Variants in RIMS1 observed in about 807,000 individuals in gnomAD.
RIMS1 encodes regulating synaptic membrane exocytosis protein 1.
RIMS1 carries 83 observed loss-of-function variants against 214.1 expected under a neutral mutation model. The ratio of observed to expected loss-of-function variants is 0.39; its 90% confidence interval spans 0.32 to 0.47. RIMS1 has a LOEUF of 0.47. Among genes scored for constraint, RIMS1 ranks in the 20% least tolerant of loss-of-function variants. RIMS1 has a pLI of 0.99. For synonymous variants in RIMS1, 793 were observed against 786.8 expected, an observed-to-expected ratio of 1.01 and a Z score of -0.13; for missense variants, 2,050 against 2,161.8, an observed-to-expected ratio of 0.95 and a Z score of 1.03.
At chr6:72,141,941 AT>A in intron 4 of RIMS1, among the ~76,000 whole-genome samples, 1 of 152,126 alleles carries the variant, frequency 6.6e-6, no homozygotes, top group Non-Finnish European at 1.5e-5. Flanking sequence ...AAGTTCTAAC[AT>A]TTTTGTAATA....
intron 26 of RIMS1, among the ~76,000 whole-genome samples, chr6:72,305,404 T>C (rs2095055304): frequency 6.6e-6 from 1 of 152,090 alleles, no homozygotes; most frequent in African/African-American, 2.4e-5. Context: ...ACCATTTAAG[T>C]CTGTTTTTAT....
chr6:72,393,390 G>A (rs2098732118), intron 31 of RIMS1, among the ~76,000 whole-genome samples: 1 of 152,166 alleles, frequency 6.6e-6, no homozygotes, highest in African/African-American at 2.4e-5. Context: ...AATCATGCAA[G>A]CTTCCTAAGA....
chr6:72,102,895 A>G (rs561148350), intron 4 of RIMS1, among the ~76,000 whole-genome samples: 1 of 152,236 alleles, frequency 6.6e-6, no homozygotes, highest in African/African-American at 2.4e-5. Context: ...AGTTATCCAT[A>G]TTTAGCTCAT....
rs377034438 is a variant in RIMS1 at position 72,368,150 on chromosome 6, T to C, written c.4367-22448T>C. 7.2e-5 allele frequency among the ~76,000 whole-genome samples: 11 copies of C among 152,214 alleles called. No homozygotes were observed. In the East Asian group the frequency reaches 1.5e-3, roughly 21 times the overall value. ...TATGCTTAACCAACTGCATAAAATG[T>C]CCTCTTATTTCTTATCTGTGCTTGT... On this transcript the variant is annotated intron_variant, in intron 29 of 33. Coordinates refer to ENST00000521978, the MANE Select transcript of RIMS1 (RefSeq NM_014989.7).
At chr6:72,315,633 T>A (rs552581850) in intron 28 of RIMS1, among the ~76,000 whole-genome samples, 22 of 152,278 alleles carry the variant, frequency 1.4e-4, no homozygotes, top group African/African-American at 5.3e-4. Context: ...CGTAGACTAG[T>A]TATCCCTTCA....
At chr6:71,953,149 A>C (rs1436470345) in intron 1 of RIMS1, among the ~76,000 whole-genome samples, 5 of 151,730 alleles carry the variant, frequency 3.3e-5, no homozygotes, top group African/African-American at 1.2e-4. Flanking sequence ...CACCACACCC[A>C]GCTAATGTTT....
chr6:72,095,248 C>T (rs578133697), intron 2 of RIMS1, among the ~76,000 whole-genome samples: 2 of 151,518 alleles, frequency 1.3e-5, no homozygotes, highest in African/African-American at 4.8e-5. Flanking sequence ...CAGGCGTGAG[C>T]CACCGCGCCC....
At chr6:72,150,509 G>A (rs2043399750) in intron 4 of RIMS1, among the ~76,000 whole-genome samples, 1 of 152,132 alleles carries the variant, frequency 6.6e-6, no homozygotes, top group African/African-American at 2.4e-5. Flanking sequence ...GGGTTGTGAA[G>A]ACTTTTTCTC....
intron 17 of RIMS1, 60 bp from the exon 18 acceptor site, chr6:72,258,926 G>C: frequency 1.3e-6 from 2 of 1,528,902 alleles, no homozygotes; most frequent in Non-Finnish European, 9.1e-7. Flanking sequence ...ACTTTAGTCT[G>C]TCTGCCTGTT....
intron 2 of RIMS1, among the ~76,000 whole-genome samples, chr6:72,071,973 G>A (rs553589816): frequency 1.2e-4 from 19 of 152,254 alleles, no homozygotes; most frequent in South Asian, 1.0e-3. Flanking sequence ...TAAGCCAAAA[G>A]GGTAATGCCA....
At chr6:72,006,846 C>G (rs753987777) in intron 2 of RIMS1, among the ~76,000 whole-genome samples, 1 of 152,158 alleles carries the variant, frequency 6.6e-6, no homozygotes, top group African/African-American at 2.4e-5. Context: ...CTTGGTGGAG[C>G]CCACCACAGA....
intron 2 of RIMS1, among the ~76,000 whole-genome samples, chr6:72,020,189 A>G (rs1256823569): frequency 6.6e-6 from 1 of 152,210 alleles, no homozygotes; most frequent in Non-Finnish European, 1.5e-5. Context: ...GTCAATTAGT[A>G]TTAATTAATA....
chr6:72,368,032 G>T (rs1451259738), intron 29 of RIMS1, among the ~76,000 whole-genome samples: 2 of 151,994 alleles, frequency 1.3e-5, no homozygotes, highest in Non-Finnish European at 2.9e-5. Context: ...TAATACATTT[G>T]TAATTTATAT....
At chr6:72,346,696 A>G (rs2097276691) in intron 29 of RIMS1, among the ~76,000 whole-genome samples, 1 of 151,758 alleles carries the variant, frequency 6.6e-6, no homozygotes, top group African/African-American at 2.4e-5. Context: ...AAATATTTTT[A>G]TGTTTTTTAA....
In RIMS1 at chr6:72,173,985, T is replaced by TA. The variant is rs5877315; in HGVS notation, c.472-5578dup. On this transcript the variant is annotated intron_variant, in intron 4 of 33. Coordinates refer to ENST00000521978, the MANE Select transcript of RIMS1 (RefSeq NM_014989.7). The stretch of plus-strand genomic sequence containing the variant: ...TCATTCTGCATATGGAAAATAAACT[T>TA]AAAAAAAAAAAAGACAAATAGTCAT... 3.0e-3 allele frequency among the ~76,000 whole-genome samples: 451 copies of TA among 150,118 alleles called. 2 individuals carry two copies. The highest frequency in any genetic ancestry group is 0.01 in the African/African-American group (417 of 40,954).
intron 1 of RIMS1, among the ~76,000 whole-genome samples, chr6:71,935,753 T>C (rs1415962012): frequency 6.6e-6 from 1 of 152,218 alleles, no homozygotes; most frequent in Non-Finnish European, 1.5e-5. Flanking sequence ...TCTCCTGTGC[T>C]GTCAAAGCCA....
chr6:72,200,721 G>A (rs1452793021), intron 6 of RIMS1, among the ~76,000 whole-genome samples: 1 of 152,068 alleles, frequency 6.6e-6, no homozygotes, highest in Non-Finnish European at 1.5e-5. Flanking sequence ...TATGACTTGG[G>A]GCATTAGATG....
In RIMS1 at chr6:72,402,895, G is replaced by A. The variant is rs539986199; in HGVS notation, c.*2181G>A. The A allele has an allele frequency of 6.6e-6, 1 of 152,656 alleles. No individual in the cohort carries two copies. Among genetic ancestry groups the A allele is most frequent in the Admixed American group, 6.5e-5 (1 of 15,274 alleles). 9.5% of individuals were successfully genotyped at this position (152,656 alleles called of 1,614,324 possible). ...GGGAGCCAGGCCATGGGAAGGGGAG[G>A]CTGGGGTTTGTTGTCTGCTGCGGGC... On this transcript the variant is annotated 3_prime_UTR_variant, in exon 34 of 34. Transcript: ENST00000521978.
At chr6:72,175,630 G>A (rs2047601285) in intron 4 of RIMS1, among the ~76,000 whole-genome samples, 1 of 151,240 alleles carries the variant, frequency 6.6e-6, no homozygotes, top group Admixed American at 6.6e-5. Flanking sequence ...CCAAGATCGC[G>A]ACACTGAACT....
Sources: gnomAD v4.1 joint callset for allele counts (sites outside exome capture counted in the v4.1 genomes callset) on GRCh38, gnomAD v4.1.1 for gene constraint, MANE v1.5 for transcripts, NCBI Gene and HGNC (gene_info 2026-07-23, HGNC 2026-07-21) for gene names.